The following TRIM2 variants were observed in gnomAD, a reference collection of about 807,000 sequenced individuals.
TRIM2 encodes tripartite motif-containing protein 2.
In TRIM2, 20 loss-of-function variants were observed where a neutral mutation model predicts 75.2. That is an observed-to-expected ratio of 0.27 (90% CI 0.19 to 0.39). The LOEUF is 0.39. Among genes scored for constraint, TRIM2 ranks in the 10% least tolerant of loss-of-function variants. The pLI, the probability that TRIM2 is intolerant of heterozygous loss-of-function variation, is 1.00. For synonymous variants in TRIM2, 373 were observed against 388.3 expected (o/e 0.96, Z 0.46); for missense variants, 660 against 990.8 (o/e 0.67, Z 4.48).
intron 1 of TRIM2, among the ~76,000 whole-genome samples, chr4:153,241,489 C>A (rs1374976202): frequency 3.9e-5 from 6 of 152,166 alleles, no homozygotes; most frequent in Non-Finnish European, 8.8e-5. Context: ...TGACAACTGC[C>A]ATGAAGGATT....
At chr4:153,222,692 AT>A (rs1399745527) in intron 1 of TRIM2, 2 of 152,416 alleles carry the variant, frequency 1.3e-5, no homozygotes, top group East Asian at 3.9e-4. Context: ...CCAGAGAGCC[AT>A]TTGGAGCCGA....
chr4:153,295,600 G>A lies in TRIM2; in HGVS notation c.1074G>A (p.Thr358=), dbSNP rs145538082. 26 of 1,613,960 alleles carry A rather than the reference G, an allele frequency of 1.6e-5. No individual in the cohort carries two copies. Among genetic ancestry groups the A allele is most frequent in the South Asian group, 3.3e-5 (3 of 91,064 alleles). ...TNAVASETVA[T]GEGLRQTIIG... ...CCGTTGCCTCAGAGACAGTGGCCAC[G>A]GGCGAGGGGCTGCGGCAGACCATCA... Residue 358 remains threonine, a synonymous_variant, in exon 6 of 12, where the codon ACG becomes ACA. Coordinates refer to ENST00000338700, the MANE Select transcript of TRIM2 (RefSeq NM_015271.5). This position sits in a 1 kb window ranked among gnomAD's most constrained non-coding sequence, Gnocchi z 7.2.
At chr4:153,267,637 C>T (rs1184859031) in intron 1 of TRIM2, among the ~76,000 whole-genome samples, 4 of 151,972 alleles carry the variant, frequency 2.6e-5, no homozygotes, top group African/African-American at 7.2e-5. Context: ...GGTGACAAAG[C>T]GAGACTCCAT....
intron 1 of TRIM2, among the ~76,000 whole-genome samples, chr4:153,269,280 G>A (rs1453806078): frequency 6.6e-6 from 1 of 152,182 alleles, no homozygotes. Context: ...AAAGAAAGAG[G>A]GGTTTGGACT....
chr4:153,316,102 C>T (rs1423651507), intron 8 of TRIM2, 103 bp downstream of exon 8: 22 of 1,101,450 alleles, frequency 2.0e-5, no homozygotes, highest in Non-Finnish European at 2.8e-5. Flanking sequence ...CAACATTCAA[C>T]AATTCTTCAT....
Position 153,276,402 on chromosome 4 carries a change from A to C in TRIM2, c.453+272A>C, listed in dbSNP as rs563289804. 35 of 522,802 alleles carry C rather than the reference A, an allele frequency of 6.7e-5. No individual in the cohort carries two copies. The East Asian group carries it at 9.3e-4, about 14-fold the overall frequency. 32.4% of individuals were successfully genotyped at this position (522,802 alleles called of 1,614,324 possible). A position where few individuals can be genotyped will look rare whatever the true frequency, so the allele number is the denominator to read the frequency against. Reference sequence around the variant, plus strand: ...AGTAGCTATTTGCAAGCTGACCTACATAAACATCTGTGTAATAAATTTATG... The same window carrying C: ...AGTAGCTATTTGCAAGCTGACCTACCTAAACATCTGTGTAATAAATTTATG... On this transcript the variant is annotated intron_variant, in intron 3 of 11. Transcript: ENST00000338700.
intron 1 of TRIM2, among the ~76,000 whole-genome samples, chr4:153,182,941 G>A (rs1479751952): frequency 6.6e-6 from 1 of 152,250 alleles, no homozygotes; most frequent in African/African-American, 2.4e-5. Context: ...GTCCCAGGCC[G>A]TGACCTTATT....
At chr4:153,171,938 T>G (rs1730913459) in intron 1 of TRIM2, among the ~76,000 whole-genome samples, 1 of 151,104 alleles carries the variant, frequency 6.6e-6, no homozygotes, top group African/African-American at 2.4e-5. Context: ...TTTTAAAAAG[T>G]AACCACCATG....
intron 8 of TRIM2, 49 bp from the exon 9 acceptor site, chr4:153,322,599 A>C: frequency 1.3e-6 from 2 of 1,585,046 alleles, no homozygotes; most frequent in Non-Finnish European, 1.7e-6. Context: ...GTAGTGGTTT[A>C]AACTTTGACT....
chr4:153,256,521 G>A (rs1024293633), intron 1 of TRIM2, among the ~76,000 whole-genome samples: 3 of 152,160 alleles, frequency 2.0e-5, no homozygotes, highest in African/African-American at 7.2e-5. Context: ...GAACGGTTGT[G>A]AATTCTACTC....
intron 1 of TRIM2, among the ~76,000 whole-genome samples, chr4:153,228,745 G>A (rs922387294): frequency 2.0e-5 from 3 of 152,364 alleles, no homozygotes; most frequent in South Asian, 2.1e-4. Context: ...CAGGTCACGC[G>A]GCAGTCATAG....
At chr4:153,237,031 T>C (rs1432909087) in intron 1 of TRIM2, among the ~76,000 whole-genome samples, 2 of 152,160 alleles carry the variant, frequency 1.3e-5, no homozygotes, top group Non-Finnish European at 2.9e-5. Flanking sequence ...AAACTTACAG[T>C]ATCAAGGACA....
intron 6 of TRIM2, among the ~76,000 whole-genome samples, chr4:153,306,497 C>G (rs1765027769): frequency 6.6e-6 from 1 of 152,138 alleles, no homozygotes; most frequent in Non-Finnish European, 1.5e-5. Flanking sequence ...CTAGAGACAT[C>G]AATTTGGAAG....
chr4:153,306,100 G>T (rs920063572), intron 6 of TRIM2, among the ~76,000 whole-genome samples: 1 of 150,370 alleles, frequency 6.7e-6, no homozygotes, highest in Non-Finnish European at 1.5e-5. Flanking sequence ...TTGCATTCCA[G>T]CCTGGATGAC....
intron 1 of TRIM2, among the ~76,000 whole-genome samples, chr4:153,197,416 C>T (rs1337042494): frequency 1.3e-5 from 2 of 152,178 alleles, no homozygotes; most frequent in African/African-American, 4.8e-5. Flanking sequence ...TCTAGCTCCC[C>T]TCTTTATCAA....
intron 1 of TRIM2, among the ~76,000 whole-genome samples, chr4:153,247,215 GA>G (rs1262961411): frequency 6.6e-6 from 1 of 152,164 alleles, no homozygotes; most frequent in Non-Finnish European, 1.5e-5. Context: ...GGCATGAACA[GA>G]CTCTCTTCCT....
Position 153,243,807 on chromosome 4 carries a change from CTT to C in TRIM2, c.31-26518_31-26517del, listed in dbSNP as rs34997724. 5.9e-3 allele frequency among the ~76,000 whole-genome samples: 699 copies of C among 117,482 alleles called. 3 individuals carry two copies. The highest frequency in any genetic ancestry group is 8.2e-3 in the African/African-American group (225 of 27,548). 77.1% of individuals were successfully genotyped at this position (117,482 alleles called of 152,430 possible). ...CTTATTCTCCTTCCTCCTCCCCCTC[CTT>C]TTTTTTTTTCCCCCCCCCCTTGAGA... On this transcript the variant is annotated intron_variant, in intron 1 of 11. Coordinates refer to ENST00000338700, the MANE Select transcript of TRIM2 (RefSeq NM_015271.5).
At chr4:153,153,778 G>C (rs1051081299) in intron 1 of TRIM2, among the ~76,000 whole-genome samples, 1 of 152,204 alleles carries the variant, frequency 6.6e-6, no homozygotes, top group Non-Finnish European at 1.5e-5. Context: ...CGCTGAGTCC[G>C]GGCCCCGGAG....
At chr4:153,192,301 G>A (rs1354466310) in intron 1 of TRIM2, among the ~76,000 whole-genome samples, 1 of 152,112 alleles carries the variant, frequency 6.6e-6, no homozygotes, top group African/African-American at 2.4e-5. Context: ...GGGAGAAAAT[G>A]TACCTCAAGG....
Sources: allele counts gnomAD v4.1 joint callset (sites outside exome capture counted in the v4.1 genomes callset), GRCh38; gene constraint gnomAD v4.1.1; non-coding constraint Gnocchi (gnomAD v3.1); transcripts MANE v1.5; gene names NCBI Gene and HGNC (gene_info 2026-07-23, HGNC 2026-07-21).